The following CADM2 variants were observed in gnomAD, a reference collection of about 807,000 sequenced individuals.
CADM2 encodes the protein cell adhesion molecule 2, also known as immunoglobulin superfamily member 4D.
A neutral mutation model predicts 49.8 loss-of-function variants in CADM2; 12 were observed. The observed-to-expected ratio is 0.24, with a 90% CI of 0.15 to 0.39. The LOEUF (loss-of-function observed/expected upper bound fraction) is 0.39. Among genes scored for constraint, CADM2 ranks in the 10% least tolerant of loss-of-function variants. The probability of loss-of-function intolerance (pLI) is 1.00; values close to 1 mark genes in which losing one functional copy is unlikely to be tolerated. For synonymous variants in CADM2, 214 were observed against 175.4 expected (o/e 1.22, Z -1.74); for missense variants, 378 against 492.3 (o/e 0.77, Z 2.20).
At chr3:85,195,659 T>C (rs1459193799) in intron 1 of CADM2, among the ~76,000 whole-genome samples, 5 of 151,976 alleles carry the variant, frequency 3.3e-5, no homozygotes, top group Non-Finnish European at 7.4e-5. Flanking sequence ...CAAAGTAGGC[T>C]ATAAATTTAC....
At chr3:85,937,800 T>A (rs1310149299) in intron 7 of CADM2, among the ~76,000 whole-genome samples, 1 of 151,940 alleles carries the variant, frequency 6.6e-6, no homozygotes, top group Non-Finnish European at 1.5e-5. Context: ...CTGGCATGAG[T>A]TCTTAACCAT....
At chr3:85,776,384 G>A (rs2107974274) in intron 2 of CADM2, among the ~76,000 whole-genome samples, 1 of 151,240 alleles carries the variant, frequency 6.6e-6, no homozygotes, top group Admixed American at 6.6e-5. Flanking sequence ...GAGAGAGAAA[G>A]ATAATGTTAT....
chr3:85,528,921 C>A (rs1370390184), intron 1 of CADM2, among the ~76,000 whole-genome samples: 1 of 152,154 alleles, frequency 6.6e-6, no homozygotes, highest in Admixed American at 6.5e-5. Flanking sequence ...AAACATTTCT[C>A]TTTTTGATAG....
intron 2 of CADM2, among the ~76,000 whole-genome samples, chr3:85,798,476 T>C (rs933207018): frequency 3.3e-5 from 5 of 152,168 alleles, no homozygotes; most frequent in African/African-American, 1.2e-4. Context: ...CAGTTTCAGT[T>C]TTCTGCATAT....
intron 1 of CADM2, among the ~76,000 whole-genome samples, chr3:85,507,139 T>C (rs772904092): frequency 6.6e-6 from 1 of 151,982 alleles, no homozygotes; most frequent in East Asian, 1.9e-4. Context: ...AATCCATATG[T>C]ACTTATTATT....
intron 1 of CADM2, among the ~76,000 whole-genome samples, chr3:85,688,765 A>C (rs571035349): frequency 2.6e-5 from 4 of 151,948 alleles, no homozygotes; most frequent in Non-Finnish European, 5.9e-5. Context: ...ATGGGGTTTC[A>C]CCATGGTGGC....
intron 8 of CADM2, among the ~76,000 whole-genome samples, chr3:86,055,451 CTTTTTTTTTTTTTTT>C (rs57606781): frequency 6.9e-5 from 6 of 87,502 alleles, no homozygotes; most frequent in East Asian, 8.2e-4. Flanking sequence ...GGCATCCCCT[CTTTTTTTTTTTTTTT>C]TTTTTTTTTT....
intron 1 of CADM2, among the ~76,000 whole-genome samples, chr3:85,690,809 A>G (rs1248270985): frequency 6.6e-6 from 1 of 152,188 alleles, no homozygotes; most frequent in East Asian, 1.9e-4. Context: ...AAATACTTGT[A>G]CATATTTATG....
intron 1 of CADM2, among the ~76,000 whole-genome samples, chr3:85,123,267 CTT>C (rs1327382364): frequency 2.6e-5 from 4 of 152,114 alleles, no homozygotes; most frequent in Non-Finnish European, 4.4e-5. Flanking sequence ...AAGTAATACT[CTT>C]ATGATTTAAA....
At chr3:85,314,898 A>G (rs186572035) in intron 1 of CADM2, among the ~76,000 whole-genome samples, 1 of 152,332 alleles carries the variant, frequency 6.6e-6, no homozygotes, top group East Asian at 1.9e-4. Flanking sequence ...TCCATGTAAT[A>G]TCACTGTTTT....
At chr3:85,387,244 A>G (rs1191237599) in intron 1 of CADM2, among the ~76,000 whole-genome samples, 1 of 152,210 alleles carries the variant, frequency 6.6e-6, no homozygotes, top group African/African-American at 2.4e-5. Flanking sequence ...TCATTCATAT[A>G]ATTAACTTCT....
intron 1 of CADM2, among the ~76,000 whole-genome samples, chr3:85,604,489 T>G (rs1047596858): frequency 6.6e-6 from 1 of 151,978 alleles, no homozygotes; most frequent in African/African-American, 2.4e-5. Flanking sequence ...ACTCTGTGTT[T>G]GTGTGTGTGT....
At chr3:85,411,823 C>T (rs1559826394) in intron 1 of CADM2, among the ~76,000 whole-genome samples, 1 of 151,976 alleles carries the variant, frequency 6.6e-6, no homozygotes, top group Non-Finnish European at 1.5e-5. Context: ...ATTTCATGAA[C>T]GATGTCATAT....
chr3:85,940,720 G>A (rs1161376921), intron 7 of CADM2, among the ~76,000 whole-genome samples: 7 of 152,164 alleles, frequency 4.6e-5, no homozygotes, highest in African/African-American at 9.6e-5. Flanking sequence ...GGCACAAAAT[G>A]TTTGGAGGTA....
intron 1 of CADM2, among the ~76,000 whole-genome samples, chr3:84,966,644 A>T (rs2031016729): frequency 6.6e-6 from 1 of 152,070 alleles, no homozygotes; most frequent in African/African-American, 2.4e-5. Context: ...ACTTGAATAG[A>T]TACAGAGCTA....
chr3:85,868,694 C>T (rs986630242), intron 3 of CADM2, among the ~76,000 whole-genome samples: 1 of 152,082 alleles, frequency 6.6e-6, no homozygotes. Flanking sequence ...TACTAATATG[C>T]CTTCAATTCT....
chr3:85,480,433 T>A, intron 1 of CADM2, among the ~76,000 whole-genome samples: 1 of 151,988 alleles, frequency 6.6e-6, no homozygotes, highest in Middle Eastern at 3.4e-3. Flanking sequence ...CAAGTTACCA[T>A]GTGCCTCACA....
intron 1 of CADM2, among the ~76,000 whole-genome samples, chr3:85,013,115 G>A (rs2107261815): frequency 1.4e-5 from 2 of 146,232 alleles, no homozygotes; most frequent in Non-Finnish European, 1.5e-5. Flanking sequence ...GACCCACTCA[G>A]AAGATTCTGT....
At chr3:85,489,055 C>A (rs1465372128) in intron 1 of CADM2, among the ~76,000 whole-genome samples, 1 of 151,824 alleles carries the variant, frequency 6.6e-6, no homozygotes, top group Non-Finnish European at 1.5e-5. Context: ...CAATTCCTAC[C>A]CAAGTGTCAC....
Sources: allele counts gnomAD v4.1 joint callset (sites outside exome capture counted in the v4.1 genomes callset), GRCh38; gene constraint gnomAD v4.1.1; transcripts MANE v1.5; gene names NCBI Gene and HGNC (gene_info 2026-07-23, HGNC 2026-07-21).